The following SMYD3 variants were observed in gnomAD, a reference collection of about 807,000 sequenced individuals.
The protein encoded by SMYD3 is SET and MYND domain containing 3.
Under a neutral mutation model 57.7 loss-of-function variants are expected in SMYD3, and 36 were observed. The ratio of observed to expected loss-of-function variants is 0.62; its 90% CI spans 0.48 to 0.82. The LOEUF is 0.82. Ranked by LOEUF, SMYD3 falls within the 40% of genes least tolerant of loss-of-function variation. SMYD3 has a pLI of 0.00. For missense variants in SMYD3, 515 were observed against 538.8 expected (o/e 0.96, Z 0.44); for synonymous variants, 211 against 195.0 (o/e 1.08, Z -0.68).
At chr1:246,145,942 G>A (rs574867772) in intron 5 of SMYD3, among the ~76,000 whole-genome samples, 1 of 152,190 alleles carries the variant, frequency 6.6e-6, no homozygotes, top group South Asian at 2.1e-4. Context: ...TTCCAGGTCT[G>A]TCTGACTTCA....
At chr1:246,349,242 A>G (rs1282168950) in intron 2 of SMYD3, among the ~76,000 whole-genome samples, 2 of 152,254 alleles carry the variant, frequency 1.3e-5, no homozygotes, top group African/African-American at 4.8e-5. Context: ...AGTTTGTTCA[A>G]AAGACTGCTA....
intron 5 of SMYD3, among the ~76,000 whole-genome samples, chr1:246,169,404 A>AAAT (rs1553304407): frequency 6.7e-6 from 1 of 148,830 alleles, no homozygotes; most frequent in Non-Finnish European, 1.5e-5. Flanking sequence ...AAAAAAAAAA[A>AAAT]CCTCTAACAA....
intron 8 of SMYD3, among the ~76,000 whole-genome samples, chr1:245,898,515 G>A (rs1291797352): frequency 6.6e-6 from 1 of 152,216 alleles, no homozygotes; most frequent in East Asian, 1.9e-4. Context: ...TAAAGATAAT[G>A]CTGAATGCTT....
intron 5 of SMYD3, among the ~76,000 whole-genome samples, chr1:246,248,672 C>T (rs1189922914): frequency 1.6e-5 from 2 of 125,822 alleles, no homozygotes; most frequent in Non-Finnish European, 3.2e-5. Flanking sequence ...GATGGAGTCT[C>T]GCTCTGTCGC....
rs2064278101 is a variant in SMYD3 at position 246,273,818 on chromosome 1, C to T, written c.531+53383G>A. Among the ~76,000 whole-genome samples, 2 of 151,886 alleles carry T rather than the reference C, an allele frequency of 1.3e-5. 1 individual carries two copies. The highest frequency in any genetic ancestry group is 1.3e-4 in the Admixed American group (2 of 15,262). On this transcript the variant is annotated intron_variant, in intron 5 of 11. Transcript: ENST00000490107. ...CAGGCTGGTCTCGAACTCCTGGCCT[C>T]GTGGTCCACCGGCCTCCTTAAGTGC...
intron 1 of SMYD3, among the ~76,000 whole-genome samples, chr1:246,400,139 G>A (rs1362693432): frequency 6.6e-6 from 1 of 152,102 alleles, no homozygotes; most frequent in Non-Finnish European, 1.5e-5. Flanking sequence ...CCATTGCTAG[G>A]TGACTAATTT....
chr1:245,920,046 G>C (rs1309694089), intron 7 of SMYD3, among the ~76,000 whole-genome samples: 1 of 152,102 alleles, frequency 6.6e-6, no homozygotes, highest in African/African-American at 2.4e-5. Flanking sequence ...GGCCACGGTG[G>C]CTCACGCCTG....
At chr1:245,793,085 T>TAG (rs1553323445) in intron 10 of SMYD3, among the ~76,000 whole-genome samples, 1 of 146,360 alleles carries the variant, frequency 6.8e-6, no homozygotes, top group Non-Finnish European at 1.5e-5. Flanking sequence ...CCGAGGCGGG[T>TAG]GATCACGAAA....
intron 1 of SMYD3, among the ~76,000 whole-genome samples, chr1:246,496,823 TCAAA>T (rs915793434): frequency 2.0e-5 from 3 of 152,124 alleles, no homozygotes; most frequent in Admixed American, 1.3e-4. Context: ...AGACTCTGTC[TCAAA>T]CAAACAAACA....
In SMYD3 at chr1:245,774,937, G is replaced by T. The variant is rs550602785; in HGVS notation, c.1077-10788C>A. On this transcript the variant is annotated intron_variant, in intron 10 of 11. Coordinates refer to ENST00000490107, the MANE Select transcript of SMYD3 (RefSeq NM_001167740.2). Reference sequence around the variant, plus strand: ...GGGCTGGTCTCCAGCTCCTAACCGCGAGTGATCCGCCAGCCTCGGCCTCCC... The same window carrying T: ...GGGCTGGTCTCCAGCTCCTAACCGCTAGTGATCCGCCAGCCTCGGCCTCCC... Among the ~76,000 whole-genome samples the T allele has an allele frequency of 1.5e-3, 228 of 152,266 alleles. 1 individual carries two copies. The highest frequency in any genetic ancestry group is 7.6e-4 in the Non-Finnish European group (52 of 68,026).
chr1:245,848,695 A>AG (rs34234486), intron 10 of SMYD3, among the ~76,000 whole-genome samples: 3,695 of 152,264 alleles, frequency 0.024, 141 homozygotes, highest in African/African-American at 0.084. Flanking sequence ...TACAGGTGTG[A>AG]GCCACTGTGC....
intron 11 of SMYD3, among the ~76,000 whole-genome samples, chr1:245,750,293 G>A (rs1186980390): frequency 6.6e-6 from 1 of 152,178 alleles, no homozygotes; most frequent in East Asian, 1.9e-4. Context: ...AGGCCTCTGT[G>A]TTGTTTACTG....
At chr1:246,213,486 T>C (rs147695977) in intron 5 of SMYD3, among the ~76,000 whole-genome samples, 3 of 152,222 alleles carry the variant, frequency 2.0e-5, no homozygotes, top group East Asian at 1.9e-4. Context: ...AAGGCACCCA[T>C]TGCAAAGGAA....
Position 246,022,135 on chromosome 1 carries a change from T to C in SMYD3, c.532-92198A>G, listed in dbSNP as rs570331316. 2.6e-5 allele frequency among the ~76,000 whole-genome samples: 4 copies of C among 152,368 alleles called. No individual in the cohort carries two copies. The South Asian group carries it at 8.3e-4, about 32-fold the overall frequency. On this transcript the variant is annotated intron_variant, in intron 5 of 11. Coordinates refer to ENST00000490107, the MANE Select transcript of SMYD3 (RefSeq NM_001167740.2). ...AGAGAACGCAAATTCATGATCATTA[T>C]GAAGCAAATGCATTGCTGTACTTAA...
chr1:246,454,373 G>T (rs561186223), intron 1 of SMYD3, among the ~76,000 whole-genome samples: 1 of 152,216 alleles, frequency 6.6e-6, no homozygotes, highest in East Asian at 1.9e-4. Flanking sequence ...TTTATTATAT[G>T]CTTGGAGAAA....
intron 5 of SMYD3, among the ~76,000 whole-genome samples, chr1:246,248,589 A>G (rs1256324309): frequency 6.7e-6 from 1 of 148,610 alleles, no homozygotes; most frequent in Non-Finnish European, 1.5e-5. Flanking sequence ...GTGTAGCTCC[A>G]TCTACCACAC....
intron 10 of SMYD3, among the ~76,000 whole-genome samples, chr1:245,804,164 G>A (rs991856894): frequency 3.3e-5 from 5 of 152,004 alleles, no homozygotes; most frequent in African/African-American, 1.2e-4. Context: ...GCCCATCTCG[G>A]CCTCCCAAAG....
intron 1 of SMYD3, among the ~76,000 whole-genome samples, chr1:246,403,118 T>C (rs1305582356): frequency 1.3e-5 from 2 of 152,142 alleles, no homozygotes; most frequent in African/African-American, 4.8e-5. Context: ...TTAAGGGTGA[T>C]CCTGGACTAC....
At chr1:246,466,659 C>T (rs572959866) in intron 1 of SMYD3, among the ~76,000 whole-genome samples, 5 of 152,238 alleles carry the variant, frequency 3.3e-5, no homozygotes, top group Non-Finnish European at 5.9e-5. Flanking sequence ...AACCTGCACA[C>T]GTATCCCTGA....
Sources: gnomAD v4.1 joint callset for allele counts (sites outside exome capture counted in the v4.1 genomes callset) on GRCh38, gnomAD v4.1.1 for gene constraint, MANE v1.5 for transcripts, NCBI Gene and HGNC (gene_info 2026-07-23, HGNC 2026-07-21) for gene names.